The following SRPK2 variants were observed in gnomAD, a reference collection of about 807,000 sequenced individuals.
SRPK2 encodes the protein SFRS protein kinase 2.
A neutral mutation model predicts 90.8 loss-of-function variants in SRPK2; 21 were observed. The ratio of observed to expected loss-of-function variants is 0.23; its 90% confidence interval spans 0.16 to 0.33. The LOEUF (loss-of-function observed/expected upper bound fraction) is 0.33. SRPK2 is among the 10% of genes least tolerant of loss of function. The pLI, the probability that SRPK2 is intolerant of heterozygous loss-of-function variation, is 1.00. For synonymous variants in SRPK2, 288 were observed against 311.1 expected (o/e 0.93, Z 0.78); for missense variants, 620 against 869.0 (o/e 0.71, Z 3.60).
chr7:105,223,744 T>A (rs1798378937), intron 2 of SRPK2, among the ~76,000 whole-genome samples: 1 of 152,228 alleles, frequency 6.6e-6, no homozygotes, highest in East Asian at 1.9e-4. Flanking sequence ...AAGCTAATTT[T>A]TGTCAAGCTA....
At chr7:105,301,688 A>G in intron 2 of SRPK2, 3 of 1,611,506 alleles carry the variant, frequency 1.9e-6, no homozygotes, top group South Asian at 2.2e-5. Flanking sequence ...ACATATCCCC[A>G]AACACCTCCA....
chr7:105,331,301 TCC>T (rs1814302977), intron 2 of SRPK2, among the ~76,000 whole-genome samples: 1 of 57,292 alleles, frequency 1.7e-5, no homozygotes. Flanking sequence ...AGAGCGAGAC[TCC>T]GTCTCAAAAA....
At chr7:105,147,453 G>A (rs973742075) in intron 7 of SRPK2, among the ~76,000 whole-genome samples, 9 of 152,154 alleles carry the variant, frequency 5.9e-5, no homozygotes, top group Non-Finnish European at 1.3e-4. Context: ...AAGCAGCTGG[G>A]ATTACAGGCG....
At chr7:105,232,297 T>C (rs1799522211) in intron 2 of SRPK2, among the ~76,000 whole-genome samples, 1 of 151,940 alleles carries the variant, frequency 6.6e-6, no homozygotes, top group Non-Finnish European at 1.5e-5. Flanking sequence ...CCGTCTCTAC[T>C]AAAAATACAA....
At chr7:105,185,974 A>G (rs994635596) in intron 3 of SRPK2, among the ~76,000 whole-genome samples, 1 of 152,232 alleles carries the variant, frequency 6.6e-6, no homozygotes, top group Non-Finnish European at 1.5e-5. Flanking sequence ...ATAACTACAT[A>G]TATTTGGAAG....
chr7:105,234,679 T>C (rs1375717312), intron 2 of SRPK2, among the ~76,000 whole-genome samples: 2 of 152,098 alleles, frequency 1.3e-5, no homozygotes, highest in Non-Finnish European at 2.9e-5. Flanking sequence ...ATGTATTGCG[T>C]TGGAGAGGCA....
chr7:105,250,900 G>A (rs536108484), intron 2 of SRPK2, among the ~76,000 whole-genome samples: 112 of 152,210 alleles, frequency 7.4e-4, no homozygotes, highest in Non-Finnish European at 1.3e-3. Context: ...GGGAGGCAAG[G>A]GATAATAACT....
At chr7:105,391,546 C>G (rs764142348), upstream of SRPK2, among the ~76,000 whole-genome samples, 1 of 152,060 alleles carries the variant, frequency 6.6e-6, no homozygotes, top group Non-Finnish European at 1.5e-5. Flanking sequence ...CGTGATGTCT[C>G]ACAAGTGTAA....
chr7:105,154,597 G>A (rs923990055), intron 7 of SRPK2, among the ~76,000 whole-genome samples: 4 of 152,162 alleles, frequency 2.6e-5, no homozygotes, highest in Non-Finnish European at 5.9e-5. Context: ...ACCCCAAAGG[G>A]AGAAGTCTGG....
At chr7:105,301,636 G>A (rs1431408359) in intron 2 of SRPK2, 1 of 1,611,084 alleles carries the variant, frequency 6.2e-7, no homozygotes, top group South Asian at 1.1e-5. Context: ...AGGTGAAAAT[G>A]GTGATCCCAA....
intron 2 of SRPK2, among the ~76,000 whole-genome samples, chr7:105,303,015 A>G (rs1810734096): frequency 1.3e-5 from 2 of 152,072 alleles, no homozygotes; most frequent in Non-Finnish European, 2.9e-5. Flanking sequence ...CGGAGCTTGC[A>G]GCAAGCCTAG....
In SRPK2 at chr7:105,205,128, C is replaced by T. The variant is rs114921482; in HGVS notation, c.72-1343G>A. ...CCTCTTCTAAACTGGGCCTCTAAAT[C>T]CTTGCCCAATCTGAGAGCCTCCAAC... On this transcript the variant is annotated intron_variant, in intron 2 of 15. Transcript: ENST00000393651. 6.9e-3 allele frequency among the ~76,000 whole-genome samples: 1,051 copies of T among 152,222 alleles called. 17 individuals carry two copies. Among genetic ancestry groups the T allele is most frequent in the African/African-American group, 0.024 (1,006 of 41,520 alleles).
At chr7:105,359,868 G>A (rs1231563368) in intron 2 of SRPK2, among the ~76,000 whole-genome samples, 1 of 152,176 alleles carries the variant, frequency 6.6e-6, no homozygotes, top group Non-Finnish European at 1.5e-5. Context: ...ATTTGGGGTG[G>A]AGAATTTTGT....
intron 2 of SRPK2, chr7:105,298,640 T>G: frequency 2.5e-6 from 2 of 796,988 alleles, no homozygotes; most frequent in Non-Finnish European, 3.0e-6. Context: ...AACAAAAGTA[T>G]CAAATAAAAA....
intron 2 of SRPK2, among the ~76,000 whole-genome samples, chr7:105,351,057 T>G (rs375434941): frequency 1.4e-4 from 21 of 152,296 alleles, no homozygotes; most frequent in African/African-American, 5.1e-4. Flanking sequence ...AGGCAGGTCT[T>G]TAAGAGGTGA....
intron 2 of SRPK2, among the ~76,000 whole-genome samples, chr7:105,340,553 T>C (rs1341955023): frequency 1.3e-5 from 2 of 152,030 alleles, no homozygotes; most frequent in African/African-American, 4.8e-5. Context: ...GTGGGAACAC[T>C]AGCACACACC....
chr7:105,251,154 G>A (rs751527000), intron 2 of SRPK2, among the ~76,000 whole-genome samples: 1 of 152,090 alleles, frequency 6.6e-6, no homozygotes, highest in Non-Finnish European at 1.5e-5. Context: ...ACAGGACAAC[G>A]CCATAGCAAT....
chr7:105,374,009 C>T (rs1585948877), intron 2 of SRPK2, among the ~76,000 whole-genome samples: 3 of 152,340 alleles, frequency 2.0e-5, no homozygotes, highest in East Asian at 1.9e-4. Flanking sequence ...CTCCCTGCAA[C>T]GTCTACCTCT....
At chr7:105,159,957 CTGTG>C in intron 7 of SRPK2, among the ~76,000 whole-genome samples, 1 of 152,100 alleles carries the variant, frequency 6.6e-6, no homozygotes, top group East Asian at 1.9e-4. Flanking sequence ...CATATAGACT[CTGTG>C]TGTGTGTACA....
Sources: gnomAD v4.1 joint callset for allele counts (sites outside exome capture counted in the v4.1 genomes callset) on GRCh38, gnomAD v4.1.1 for gene constraint, MANE v1.5 for transcripts, NCBI Gene and HGNC (gene_info 2026-07-23, HGNC 2026-07-21) for gene names.